IRAK2: variants seen among roughly 807,000 people sequenced by gnomAD.
The protein encoded by IRAK2 is interleukin-1 receptor-associated kinase-like 2.
A neutral mutation model predicts 72.0 loss-of-function variants in IRAK2; 57 were observed. The observed-to-expected ratio is 0.79, with a 90% confidence interval of 0.64 to 0.99. The LOEUF (loss-of-function observed/expected upper bound fraction) is 0.99, where lower values mean the gene tolerates loss of function less well. IRAK2 is among the 50% of genes least tolerant of loss of function. The pLI is 0.00. For missense variants in IRAK2, 790 were observed against 794.4 expected, an observed-to-expected ratio of 0.99 and a Z score of 0.07; for synonymous variants, 293 against 312.7, an observed-to-expected ratio of 0.94 and a Z score of 0.67.
At chr3:10,232,978 C>T (rs755951166) in intron 10 of IRAK2, among the ~76,000 whole-genome samples, 1 of 152,060 alleles carries the variant, frequency 6.6e-6, no homozygotes, top group Non-Finnish European at 1.5e-5. Context: ...GTGGGAGGAT[C>T]GATTGAATCG....
chr3:10,209,572 T>C lies in IRAK2; in HGVS notation c.425-17T>C. ...CTCCCCGAGGCTGCATCCTGACCCA[T>C]AGTCCCTCCTTTCCAGGGTCCTCTC... is the stretch of plus-strand genomic sequence containing the variant. On this transcript the variant is annotated splice_polypyrimidine_tract_variant and intron_variant, in intron 3 of 12. Transcript: ENST00000256458. The C allele has an allele frequency of 2.6e-6, 4 of 1,521,850 alleles. No individual in the cohort carries two copies. Among genetic ancestry groups the C allele is most frequent in the South Asian group, 1.2e-5 (1 of 80,064 alleles). 94.3% of individuals were successfully genotyped at this position (1,521,850 alleles called of 1,614,324 possible).
intron 2 of IRAK2, among the ~76,000 whole-genome samples, chr3:10,182,157 G>T (rs536801672): frequency 1.3e-5 from 2 of 151,580 alleles, no homozygotes; most frequent in African/African-American, 4.8e-5. Context: ...CAGTAGAGAC[G>T]GGGGTTTCAC....
In IRAK2 at chr3:10,238,871, G is replaced by A; in HGVS notation, c.1597G>A (p.Asp533Asn). The change falls in exon 12 of 13, where the codon GAC becomes AAC. Residue 533 changes from aspartate to asparagine, a missense_variant. By Grantham distance (23) the Asp-to-Asn change is conservative (BLOSUM62 1). Coordinates refer to ENST00000256458, the MANE Select transcript of IRAK2 (RefSeq NM_001570.4). The stretch of plus-strand genomic sequence containing the variant: ...CACCCCAGAGGAAACAGACGACGTT[G>A]ACAATTCCAGCCTTGATGCCTCCTC... ...SNTPEETDDV[D>N]NSSLDASSSM... The A allele has an allele frequency of 6.2e-7, 1 of 1,614,134 alleles. No individual in the cohort carries two copies. The highest frequency in any genetic ancestry group is 2.2e-5 in the East Asian group (1 of 44,868).
rs1698008432 is a variant in IRAK2, at chr3:10,238,838, T to A, written c.1564T>A (p.Ser522Thr). 1.2e-6 allele frequency: 2 copies of A among 1,613,896 alleles called. No individual in the cohort carries two copies. The highest frequency in any genetic ancestry group is 1.3e-5 in the African/African-American group (1 of 74,870). ...TGGGCTTTCTGAGGGTACAGGCTCT[T>A]CTTCCAACACCCCAGAGGAAACAGA... ...WSGLSEGTGS[S>T]SNTPEETDDV... Residue 522 changes from serine to threonine, a missense_variant, in exon 12 of 13, where the codon TCT becomes ACT. By Grantham distance (58) the Ser-to-Thr change is moderately conservative. Transcript: ENST00000256458.
At chr3:10,241,190 G>T (rs892992880) in intron 12 of IRAK2, among the ~76,000 whole-genome samples, 3 of 151,202 alleles carry the variant, frequency 2.0e-5, no homozygotes, top group Admixed American at 6.6e-5. Context: ...TGGGCTGATT[G>T]CTTGAGCCCA....
Position 10,242,429 on chromosome 3 carries a change from G to T in IRAK2, c.*201G>T, listed in dbSNP as rs955755845. 3 of 402,816 alleles carry T rather than the reference G, an allele frequency of 7.4e-6. No homozygotes were observed. The highest frequency in any genetic ancestry group is 4.2e-5 in the Admixed American group (1 of 24,084). 25.0% of individuals were successfully genotyped at this position (402,816 alleles called of 1,614,324 possible). A position where few individuals can be genotyped will look rare whatever the true frequency, so the allele number is the denominator to read the frequency against. ...AGCTTTTAGAGACACAAAAATCCATGAAGTCTCTTCCTTTCTGGGCTTTGT... is the reference window on the plus strand; with the variant it reads ...AGCTTTTAGAGACACAAAAATCCATTAAGTCTCTTCCTTTCTGGGCTTTGT... On this transcript the variant is annotated 3_prime_UTR_variant, in exon 13 of 13. Coordinates refer to ENST00000256458, the MANE Select transcript of IRAK2 (RefSeq NM_001570.4).
chr3:10,182,657 C>T (rs1437980080), intron 2 of IRAK2, among the ~76,000 whole-genome samples: 4 of 150,640 alleles, frequency 2.7e-5, no homozygotes, highest in African/African-American at 9.8e-5. Context: ...GTGATCTGCC[C>T]GCCTCAGCCT....
intron 4 of IRAK2, among the ~76,000 whole-genome samples, chr3:10,211,570 C>T (rs1005315774): frequency 6.6e-6 from 1 of 152,084 alleles, no homozygotes; most frequent in Non-Finnish European, 1.5e-5. Flanking sequence ...GGTGAGCTGA[C>T]ATCATGCCAT....
chr3:10,185,023 G>C (rs998186953), intron 2 of IRAK2, among the ~76,000 whole-genome samples: 1 of 150,968 alleles, frequency 6.6e-6, no homozygotes, highest in African/African-American at 2.5e-5. Flanking sequence ...GAGCCCCTGC[G>C]CCGGGCCAAA....
Position 10,176,903 on chromosome 3 carries a change from C to T in IRAK2, c.95-935C>T, listed in dbSNP as rs566855205. Among the ~76,000 whole-genome samples, 22 of 147,160 alleles carry T rather than the reference C, an allele frequency of 1.5e-4. No individual in the cohort carries two copies. In the East Asian group the frequency reaches 4.2e-3, roughly 28 times the overall value. On this transcript the variant is annotated intron_variant, in intron 1 of 12. Transcript: ENST00000256458. ...CTGCAAGCTCCGCCTCCCAGGTTCA[C>T]GCCATTCTCTTGCCTCAGCCTCCCG...
At chr3:10,204,818 A>C (rs1001572068) in intron 3 of IRAK2, among the ~76,000 whole-genome samples, 4 of 152,110 alleles carry the variant, frequency 2.6e-5, no homozygotes, top group African/African-American at 9.7e-5. Flanking sequence ...AAGCATTTCC[A>C]TAGGAAATGG....
chr3:10,194,465 C>G (rs1697233690), intron 2 of IRAK2, among the ~76,000 whole-genome samples: 1 of 152,340 alleles, frequency 6.6e-6, no homozygotes, highest in South Asian at 2.1e-4. Context: ...GAGCCTTGGC[C>G]TTGGCAGATA....
intron 2 of IRAK2, among the ~76,000 whole-genome samples, chr3:10,197,329 G>A (rs1355239217): frequency 1.3e-5 from 2 of 150,738 alleles, no homozygotes; most frequent in African/African-American, 4.9e-5. Flanking sequence ...AGGTTGCAGT[G>A]AGCCGAGATT....
chr3:10,179,047 G>A (rs1436184266), intron 2 of IRAK2, among the ~76,000 whole-genome samples: 1 of 152,082 alleles, frequency 6.6e-6, no homozygotes. Context: ...GCCTCCCAAA[G>A]TGCTGGGATT....
At chr3:10,226,982 T>C (rs1697789288) in intron 10 of IRAK2, among the ~76,000 whole-genome samples, 2 of 150,422 alleles carry the variant, frequency 1.3e-5, no homozygotes, top group South Asian at 4.2e-4. Flanking sequence ...GGAATGTTTA[T>C]AGAAAGCACT....
rs779692197 is a variant in IRAK2 at position 10,216,946 on chromosome 3, C to A, written c.801C>A (p.Pro267=). 5 of 1,613,830 alleles carry A rather than the reference C, an allele frequency of 3.1e-6. No homozygotes were observed. In the African/African-American group the frequency reaches 5.3e-5, roughly 17 times the overall value. The change falls in exon 7 of 13, where the codon CCC becomes CCA. Residue 267 remains proline, a synonymous_variant. Transcript: ENST00000256458. ...ELQICLRCCH[P]NVLPVLGFCA... ...CGCCCGATTCCAGATGCTGCCACCCCAATGTCTTACCTGTGCTGGGCTTCT... is the reference window on the plus strand; with the variant it reads ...CGCCCGATTCCAGATGCTGCCACCCAAATGTCTTACCTGTGCTGGGCTTCT...
intron 2 of IRAK2, among the ~76,000 whole-genome samples, chr3:10,191,236 A>G (rs955255951): frequency 3.3e-5 from 5 of 151,522 alleles, no homozygotes; most frequent in African/African-American, 1.2e-4. Context: ...CGGAGCTTGC[A>G]GTGAGCCGAG....
chr3:10,226,794 A>G (rs1178183381), intron 10 of IRAK2, among the ~76,000 whole-genome samples: 1 of 151,640 alleles, frequency 6.6e-6, no homozygotes, highest in African/African-American at 2.4e-5. Context: ...AAAACCCCCA[A>G]CATTATCCAG....
chr3:10,226,344 T>C (rs1697775047), intron 9 of IRAK2, 27 bp from the exon 10 acceptor site: 3 of 1,603,874 alleles, frequency 1.9e-6, no homozygotes, highest in East Asian at 2.2e-5. Context: ...GTCTGAACCA[T>C]GCTAACTCAC....
Sources: allele counts gnomAD v4.1 joint callset (sites outside exome capture counted in the v4.1 genomes callset), GRCh38; gene constraint gnomAD v4.1.1; transcripts MANE v1.5; gene names NCBI Gene and HGNC (gene_info 2026-07-23, HGNC 2026-07-21).